SBNO2: variants seen among roughly 807,000 people sequenced by gnomAD.
The protein encoded by SBNO2 is protein strawberry notch homolog 2.
SBNO2 carries 89 observed loss-of-function variants against 146.3 expected under a neutral mutation model. The ratio of observed to expected loss-of-function variants is 0.61; its 90% CI spans 0.51 to 0.73. The LOEUF (loss-of-function observed/expected upper bound fraction) is 0.73. Among genes scored for constraint, SBNO2 ranks in the 30% least tolerant of loss-of-function variants. The pLI is 0.00. For synonymous variants in SBNO2, 1,147 were observed against 892.6 expected, an observed-to-expected ratio of 1.29 and a Z score of -5.08; for missense variants, 2,092 against 2,003.7, an observed-to-expected ratio of 1.04 and a Z score of -0.84.
intron 4 of SBNO2, among the ~76,000 whole-genome samples, chr19:1,139,756 T>C (rs376912316): frequency 3.3e-5 from 5 of 151,244 alleles, no homozygotes; most frequent in Non-Finnish European, 5.9e-5. Flanking sequence ...GATCGTGCCA[T>C]TGCACTCCAG....
chr19:1,167,103 C>T (rs1286286873), intron 1 of SBNO2, among the ~76,000 whole-genome samples: 3 of 152,250 alleles, frequency 2.0e-5, no homozygotes, highest in East Asian at 1.9e-4. Context: ...GGCTTGAGGA[C>T]GGCAGCTCCA....
rs959643091 is a variant in SBNO2, at chr19:1,113,026, C to T, written c.2248-77G>A. On this transcript the variant is annotated intron_variant, in intron 19 of 31. Transcript: ENST00000361757. ...AGTCTGGCCACCCGTGTCTCAGCTT[C>T]CCTATGTCCTACAGTGGTCATGGGC... 5 of 1,482,794 alleles carry T rather than the reference C, an allele frequency of 3.4e-6. No homozygotes were observed. In the Admixed American group the frequency reaches 6.1e-5, roughly 18 times the overall value. 91.9% of individuals were successfully genotyped at this position (1,482,794 alleles called of 1,614,324 possible). A position where few individuals can be genotyped will look rare whatever the true frequency, so the allele number is the denominator to read the frequency against.
chr19:1,108,247 G>A lies in SBNO2; in HGVS notation c.4074C>T (p.Pro1358=), dbSNP rs960807457. ...AGAGAGGAGCCTGGGCGCCGGGGAA[G>A]GGTGGGCTGAACTGGATCACGCTCT... ...ERQSVIQFSP[P]FPGAQAPL is the part of the protein sequence containing the mutation. The change falls in exon 32 of 32, where the codon CCC becomes CCT. Residue 1358 remains proline (P), a synonymous_variant. Coordinates refer to ENST00000361757, the MANE Select transcript of SBNO2 (RefSeq NM_014963.3). The A allele has an allele frequency of 6.5e-7, 1 of 1,527,060 alleles. No individual in the cohort carries two copies. Among genetic ancestry groups the A allele is most frequent in the African/African-American group, 1.4e-5 (1 of 70,520 alleles). The allele number at this position is 1,527,060 out of a possible 1,614,324, so 94.6% of individuals were successfully genotyped here. A position where few individuals can be genotyped will look rare whatever the true frequency, so the allele number is the denominator to read the frequency against.
At chr19:1,142,962 C>G (rs2080154841) in intron 4 of SBNO2, among the ~76,000 whole-genome samples, 1 of 151,856 alleles carries the variant, frequency 6.6e-6, no homozygotes, top group South Asian at 2.1e-4. Flanking sequence ...AAGAGTCGGT[C>G]TCCAGAAAAA....
At chr19:1,165,527 A>G (rs962756172) in intron 1 of SBNO2, among the ~76,000 whole-genome samples, 7 of 152,134 alleles carry the variant, frequency 4.6e-5, no homozygotes, top group African/African-American at 1.4e-4. Context: ...GTCCCAAGCC[A>G]GGAATGTGAG....
In SBNO2 at chr19:1,108,534, G is replaced by A. The variant is rs1006087063; in HGVS notation, c.3787C>T (p.Pro1263Ser). ...GGCGGCGGGAAGGCCTCGGCCGGGGGGCTGTAGGTGAGGTCCAGCACCTCT... is the reference window on the plus strand; with the variant it reads ...GGCGGCGGGAAGGCCTCGGCCGGGGAGCTGTAGGTGAGGTCCAGCACCTCT... ...PGEVLDLTYS[P>S]PAEAFPPPPH... is the part of the protein sequence containing the mutation. The change falls in exon 32 of 32, where the codon CCC becomes TCC. Residue 1263 changes from proline (P) to serine (S), a missense_variant. By Grantham distance (74) the Pro-to-Ser change is moderately conservative. Coordinates refer to ENST00000361757, the MANE Select transcript of SBNO2 (RefSeq NM_014963.3). The A allele has an allele frequency of 1.6e-6, 2 of 1,221,796 alleles. No homozygotes were observed. Among genetic ancestry groups the A allele is most frequent in the Non-Finnish European group, 2.0e-6 (2 of 979,298 alleles). 75.7% of individuals were successfully genotyped at this position (1,221,796 alleles called of 1,614,324 possible). A position where few individuals can be genotyped will look rare whatever the true frequency, so the allele number is the denominator to read the frequency against.
At chr19:1,156,662 C>G (rs1156505373) in intron 1 of SBNO2, among the ~76,000 whole-genome samples, 2 of 152,154 alleles carry the variant, frequency 1.3e-5, no homozygotes. Context: ...CAGAACACGA[C>G]ACAGCCATGA....
In SBNO2 at chr19:1,144,298, G is replaced by T. The variant is rs746786238; in HGVS notation, c.279+3011C>A. On this transcript the variant is annotated intron_variant, in intron 4 of 31. Transcript: ENST00000361757. This position sits in a 1 kb window ranked among gnomAD's most constrained non-coding sequence, Gnocchi z 4.1. The stretch of plus-strand genomic sequence containing the variant: ...CGGCCCGGCCCACACTTGGCACCGG[G>T]GTCAGACTTCCTCCAAATGAAGTTC... 6.6e-5 allele frequency among the ~76,000 whole-genome samples: 10 copies of T among 152,182 alleles called. No homozygotes were observed. The highest frequency in any genetic ancestry group is 1.3e-4 in the Non-Finnish European group (9 of 68,040).
chr19:1,123,130 G>A, intron 7 of SBNO2, 85 bp from the exon 8 acceptor site: 1 of 1,477,162 alleles, frequency 6.8e-7, no homozygotes, highest in Non-Finnish European at 9.1e-7. Flanking sequence ...GCGGGTCTGG[G>A]GCGTGGCCAG....
chr19:1,168,872 T>G (rs1306616408), intron 1 of SBNO2: 1 of 151,450 alleles, frequency 6.6e-6, no homozygotes, highest in Non-Finnish European at 1.5e-5. Flanking sequence ...CGGCTCCCCC[T>G]CCCCACGCCC....
chr19:1,172,244 C>T (rs1475918185), intron 1 of SBNO2, among the ~76,000 whole-genome samples: 1 of 152,242 alleles, frequency 6.6e-6, no homozygotes, highest in East Asian at 1.9e-4. Context: ...TCTGCCGTCT[C>T]CCCTGCCGTG....
rs374174588 is a variant in SBNO2 at position 1,108,867 on chromosome 19, G to A, written c.3528C>T (p.Gly1176=). ...CGTCGGCCATGACGGCGGCGATGCG[G>A]CCCCACACGCGCAGCAGCGCGCCGC... ...MLCGALLRVW[G]RIAAVMADVS... Residue 1176 remains glycine, a synonymous_variant, in exon 31 of 32, where the codon GGC becomes GGT. Transcript: ENST00000361757. 6.8e-4 allele frequency: 1,086 copies of A among 1,594,174 alleles called. 1 individual carries two copies. Among genetic ancestry groups the A allele is most frequent in the Middle Eastern group, 2.7e-3 (16 of 5,986 alleles).
Position 1,117,575 on chromosome 19 carries a change from C to T in SBNO2, c.1528-76G>A, listed in dbSNP as rs1027301090. On this transcript the variant is annotated intron_variant, in intron 14 of 31. Coordinates refer to ENST00000361757, the MANE Select transcript of SBNO2 (RefSeq NM_014963.3). ...ACCCGGGCCCCGGCCCACCTGCCGC[C>T]AGCCCTGGGCAAGGCATCCCCACGC... 6.9e-6 allele frequency: 10 copies of T among 1,442,806 alleles called. No homozygotes were observed. In the African/African-American group the frequency reaches 1.3e-4, roughly 19 times the overall value. 89.4% of individuals were successfully genotyped at this position (1,442,806 alleles called of 1,614,324 possible).
rs1046283238 is a variant in SBNO2 at position 1,173,184 on chromosome 19, G to A, written c.-127+988C>T. Among the ~76,000 whole-genome samples, 5 of 152,074 alleles carry A rather than the reference G, an allele frequency of 3.3e-5. No individual in the cohort carries two copies. The highest frequency in any genetic ancestry group is 1.2e-4 in the African/African-American group (5 of 41,406). On this transcript the variant is annotated intron_variant, in intron 1 of 31. Transcript: ENST00000361757. The surrounding 1 kb of genome is among the most constrained non-coding windows in gnomAD (Gnocchi z 4.7). ...CAGGCCCCACCTGCCTTATTCTTCG[G>A]GACTCTGGGGTGGTGGGAAGAGTGC...
chr19:1,151,423 C>G (rs1224727446), intron 2 of SBNO2, among the ~76,000 whole-genome samples: 1 of 152,180 alleles, frequency 6.6e-6, no homozygotes, highest in East Asian at 1.9e-4. Context: ...CTGCCTCTAT[C>G]CCCCTAGTCT....
At chr19:1,127,400 G>A (rs1014581752) in intron 5 of SBNO2, 1 of 599,912 alleles carries the variant, frequency 1.7e-6, no homozygotes, top group Non-Finnish European at 3.0e-6. Context: ...CAGATGTCCT[G>A]GACGTCGCCT....
At position 1,122,304 on chromosome 19, in the gene SBNO2, G is replaced by A. The variant is rs1470678514; in HGVS notation, c.1006-22C>T. ...TGATCTGGGGATGCACAGAACAGGT[G>A]TGGAATGGGGCCCCGGCTCAGCAGG... On this transcript the variant is annotated intron_variant, in intron 10 of 31. Transcript: ENST00000361757. 1.9e-6 allele frequency: 3 copies of A among 1,545,026 alleles called. No individual in the cohort carries two copies. The South Asian group carries it at 3.7e-5, about 19-fold the overall frequency.
chr19:1,169,517 T>C (rs2145361183), intron 1 of SBNO2, among the ~76,000 whole-genome samples: 1 of 152,334 alleles, frequency 6.6e-6, no homozygotes, highest in Middle Eastern at 3.4e-3. Context: ...TCGAGTAGAA[T>C]GCAGCATTCC....
At chr19:1,117,599 G>A (rs745603295) in intron 14 of SBNO2, 100 bp from the exon 15 acceptor site, 77 of 1,265,912 alleles carry the variant, frequency 6.1e-5, no homozygotes, top group Non-Finnish European at 7.5e-5. Flanking sequence ...GCATCCCCAC[G>A]CCAGGTGGAA....
Sources: allele counts gnomAD v4.1 joint callset (sites outside exome capture counted in the v4.1 genomes callset), GRCh38; gene constraint gnomAD v4.1.1; non-coding constraint Gnocchi (gnomAD v3.1); transcripts MANE v1.5; gene names NCBI Gene and HGNC (gene_info 2026-07-23, HGNC 2026-07-21).